The following ADNP2 variants were observed in gnomAD, a reference collection of about 807,000 sequenced individuals.
ADNP2 encodes ADNP homeobox 2.
In ADNP2, 8 loss-of-function variants were observed where a neutral mutation model predicts 16.4. The ratio of observed to expected loss-of-function variants is 0.49; its 90% CI spans 0.29 to 0.88. The LOEUF (loss-of-function observed/expected upper bound fraction) is 0.88, where lower values mean the gene tolerates loss of function less well. Among genes scored for constraint, ADNP2 ranks in the 40% least tolerant of loss-of-function variants. The pLI, the probability that ADNP2 is intolerant of heterozygous loss-of-function variation, is 0.09. For synonymous variants in ADNP2, 637 were observed against 545.8 expected (o/e 1.17, Z -2.33); for missense variants, 1,397 against 1,395.1 (o/e 1.00, Z -0.02).
intron 2 of ADNP2, among the ~76,000 whole-genome samples, chr18:80,131,395 A>G (rs1278065703): frequency 6.6e-6 from 1 of 152,190 alleles, no homozygotes; most frequent in Non-Finnish European, 1.5e-5. Flanking sequence ...GTGAAAAATG[A>G]TTGATTCCAT....
At position 80,138,601 on chromosome 18, in the gene ADNP2, A is replaced by G. The variant is rs763214529; in HGVS notation, c.3188A>G (p.His1063Arg). 2.5e-6 allele frequency: 4 copies of G among 1,608,848 alleles called. No individual in the cohort carries two copies. The highest frequency in any genetic ancestry group is 2.2e-5 in the East Asian group (1 of 44,876). ...EKKQFLKDYF[H>R]KKPYPSKKEI... ...AAGCAATTTCTTAAAGATTATTTCC[A>G]TAAGAAACCATATCCTAGTAAAAAG... Residue 1063 changes from histidine (H) to arginine (R), a missense_variant, in exon 4 of 4, where the codon CAT becomes CGT. His to Arg is a conservative substitution (Grantham distance 29). This residue lies in a region of ADNP2 where 611 missense variants were observed against 648.7 expected (regional missense o/e 0.94). Transcript: ENST00000262198.
At chr18:80,111,795 T>G (rs2052359141) in intron 1 of ADNP2, among the ~76,000 whole-genome samples, 1 of 152,176 alleles carries the variant, frequency 6.6e-6, no homozygotes, top group African/African-American at 2.4e-5. Flanking sequence ...TCTGCCCGCC[T>G]TAGCCTTCCA....
At chr18:80,122,639 A>G (rs957997104) in intron 2 of ADNP2, among the ~76,000 whole-genome samples, 1 of 152,260 alleles carries the variant, frequency 6.6e-6, no homozygotes, top group Non-Finnish European at 1.5e-5. Context: ...GTGCAGATAT[A>G]TAGAAACAAC....
At chr18:80,113,228 A>G (rs984432063) in intron 1 of ADNP2, among the ~76,000 whole-genome samples, 24 of 152,224 alleles carry the variant, frequency 1.6e-4, no homozygotes, top group Non-Finnish European at 2.6e-4. Flanking sequence ...TTAAATTTTT[A>G]TCCTCCCAGT....
rs2052552332 is a variant in ADNP2 at position 80,137,827 on chromosome 18, A to G, written c.2414A>G (p.Asn805Ser). The G allele has an allele frequency of 6.2e-7, 1 of 1,614,076 alleles. No homozygotes were observed. Among genetic ancestry groups the G allele is most frequent in the Non-Finnish European group, 8.5e-7 (1 of 1,180,016 alleles). ...AAGAAGTTGCCTATGGATTATAGCA[A>G]CAGAGGTTTTCAATTAGATGTCGAT... Reference protein sequence around the residue: ...GKKKLPMDYSNRGFQLDVDAN... With the variant: ...GKKKLPMDYSSRGFQLDVDAN... Residue 805 changes from asparagine to serine, a missense_variant, in exon 4 of 4, where the codon AAC becomes AGC. Coordinates refer to ENST00000262198, the MANE Select transcript of ADNP2 (RefSeq NM_014913.4). The surrounding 1 kb of genome is among the most constrained non-coding windows in gnomAD (Gnocchi z 4.2).
chr18:80,138,365 C>T lies in ADNP2; in HGVS notation c.2952C>T (p.His984=). The change falls in exon 4 of 4, where the codon CAC becomes CAT. Residue 984 remains histidine (H), a synonymous_variant. Coordinates refer to ENST00000262198, the MANE Select transcript of ADNP2 (RefSeq NM_014913.4). ...FSVKRKLPDG[H]LGAEDQRHGE... ...TTAAGAGAAAGCTGCCTGACGGCCA[C>T]TTAGGGGCCGAAGACCAGCGGCATG... is the stretch of plus-strand genomic sequence containing the variant. 1 of 1,614,100 alleles carries T rather than the reference C, an allele frequency of 6.2e-7. No homozygotes were observed. Among genetic ancestry groups the T allele is most frequent in the African/African-American group, 1.3e-5 (1 of 75,058 alleles).
intron 1 of ADNP2, 95 bp from the exon 2 acceptor site, chr18:80,117,435 C>G: frequency 1.5e-6 from 1 of 660,338 alleles, no homozygotes; most frequent in African/African-American, 1.9e-5. Context: ...GAAAATTATA[C>G]TCTATTCCTA....
Position 80,138,830 on chromosome 18 carries a change from A to AG in ADNP2, c.*22dup, listed in dbSNP as rs2052562406. On this transcript the variant is annotated 3_prime_UTR_variant, in exon 4 of 4. Transcript: ENST00000262198. ...CATAAAACTTGCAAAAAAAAAAAAA[A>AG]GTAACTCTAAAGTAGTAGGTAGATT... is the stretch of plus-strand genomic sequence containing the variant. 6 of 1,470,516 alleles carry AG rather than the reference A, an allele frequency of 4.1e-6. No individual in the cohort carries two copies. The highest frequency in any genetic ancestry group is 1.4e-5 in the African/African-American group (1 of 69,974). The allele number at this position is 1,470,516 out of a possible 1,614,324, so 91.1% of individuals were successfully genotyped here.
At chr18:80,118,788 T>G (rs1451635547) in intron 2 of ADNP2, among the ~76,000 whole-genome samples, 1 of 152,212 alleles carries the variant, frequency 6.6e-6, no homozygotes, top group East Asian at 1.9e-4. Context: ...GTTTACTTTT[T>G]TTTCCCAAGA....
chr18:80,130,702 C>T (rs923630758), intron 2 of ADNP2, among the ~76,000 whole-genome samples: 4 of 152,130 alleles, frequency 2.6e-5, no homozygotes, highest in Admixed American at 1.3e-4. Context: ...TTCTCTCTCT[C>T]CTGTTCCCTC....
In ADNP2 at chr18:80,126,021, G is replaced by A. The variant is rs191966943; in HGVS notation, c.109-7082G>A. Among the ~76,000 whole-genome samples the A allele has an allele frequency of 2.0e-5, 3 of 151,884 alleles. No individual in the cohort carries two copies. The East Asian group carries it at 5.8e-4, about 29-fold the overall frequency. ...TTTATTTAATGTGATTATTGATATG[G>A]TTGGTTTTAAATCTCCCATCTCGGT... is the stretch of plus-strand genomic sequence containing the variant. On this transcript the variant is annotated intron_variant, in intron 2 of 3. Coordinates refer to ENST00000262198, the MANE Select transcript of ADNP2 (RefSeq NM_014913.4).
chr18:80,126,762 T>G (rs1257663304), intron 2 of ADNP2, among the ~76,000 whole-genome samples: 1 of 152,194 alleles, frequency 6.6e-6, no homozygotes, highest in Non-Finnish European at 1.5e-5. Flanking sequence ...GAAAATTTTG[T>G]GGCATCATTT....
chr18:80,115,691 G>T (rs766017742), intron 1 of ADNP2, among the ~76,000 whole-genome samples: 28 of 152,152 alleles, frequency 1.8e-4, no homozygotes, highest in Non-Finnish European at 4.0e-4. Context: ...CATTCACATT[G>T]CGTATACATC....
At position 80,139,375 on chromosome 18, in the gene ADNP2, A is replaced by AT. The variant is rs2145221039; in HGVS notation, c.*573dup. Reference sequence around the variant, plus strand: ...CTTATAGATTATAATTTAGATCTGTATTTTTTTAGGTTTATCCTAATAGCT... The same window carrying AT: ...CTTATAGATTATAATTTAGATCTGTATTTTTTTTAGGTTTATCCTAATAGCT... On this transcript the variant is annotated 3_prime_UTR_variant, in exon 4 of 4. Coordinates refer to ENST00000262198, the MANE Select transcript of ADNP2 (RefSeq NM_014913.4). 1 of 140,910 alleles carries AT rather than the reference A, an allele frequency of 7.1e-6. No individual in the cohort carries two copies. Among genetic ancestry groups the AT allele is most frequent in the East Asian group, 2.1e-4 (1 of 4,842 alleles). 8.7% of individuals were successfully genotyped at this position (140,910 alleles called of 1,614,324 possible). A position where few individuals can be genotyped will look rare whatever the true frequency, so the allele number is the denominator to read the frequency against.
chr18:80,112,806 G>A (rs1380914165), intron 1 of ADNP2, among the ~76,000 whole-genome samples: 1 of 152,202 alleles, frequency 6.6e-6, no homozygotes, highest in Non-Finnish European at 1.5e-5. Context: ...TCAAAACTCT[G>A]TGATAAGATC....
At position 80,133,121 on chromosome 18, in the gene ADNP2, C is replaced by T. The variant is rs1277675366; in HGVS notation, c.127C>T (p.Pro43Ser). 6.2e-7 allele frequency: 1 copy of T among 1,608,382 alleles called. No homozygotes were observed. Among genetic ancestry groups the T allele is most frequent in the African/African-American group, 1.3e-5 (1 of 74,442 alleles). Residue 43 changes from proline to serine, a missense_variant, in exon 3 of 4, where the codon CCA becomes TCA. Physicochemically the swap from Pro to Ser is moderately conservative, Grantham distance 74. Coordinates refer to ENST00000262198, the MANE Select transcript of ADNP2 (RefSeq NM_014913.4). ...ELLKDLKGFD[P>S]GEKYFHNTSW... ...TTAAAAGGACCTTAAAGGCTTTGAT[C>T]CAGGAGAGAAATACTTTCATAACAC...
intron 2 of ADNP2, among the ~76,000 whole-genome samples, chr18:80,121,089 T>A (rs1477883072): frequency 6.6e-6 from 1 of 152,208 alleles, no homozygotes; most frequent in African/African-American, 2.4e-5. Flanking sequence ...CATTTTACAT[T>A]CCTACCAGAA....
At chr18:80,122,205 C>T (rs2052429529) in intron 2 of ADNP2, among the ~76,000 whole-genome samples, 1 of 152,186 alleles carries the variant, frequency 6.6e-6, no homozygotes, top group Non-Finnish European at 1.5e-5. Context: ...CAGATGTGAG[C>T]CACTGTGCCC....
At chr18:80,125,720 A>G (rs551727754) in intron 2 of ADNP2, among the ~76,000 whole-genome samples, 2 of 152,180 alleles carry the variant, frequency 1.3e-5, no homozygotes, top group African/African-American at 4.8e-5. Context: ...CTGAGGTGGG[A>G]GGATCCCTTG....
Sources: gnomAD v4.1 joint callset for allele counts (sites outside exome capture counted in the v4.1 genomes callset) on GRCh38, gnomAD v4.1.1 for gene constraint, gnomAD v4.1.1 regional missense constraint, Gnocchi (gnomAD v3.1) non-coding constraint, MANE v1.5 for transcripts, NCBI Gene and HGNC (gene_info 2026-07-23, HGNC 2026-07-21) for gene names.